LMNTD1: variants seen among roughly 807,000 people sequenced by gnomAD.
The protein encoded by LMNTD1 is lamin tail domain containing 1.
LMNTD1 carries 35 observed loss-of-function variants against 50.9 expected under a neutral mutation model. The ratio of observed to expected loss-of-function variants is 0.69; its 90% CI spans 0.53 to 0.91. The LOEUF (loss-of-function observed/expected upper bound fraction) is 0.91, where lower values mean the gene tolerates loss of function less well. LMNTD1 is among the 40% of genes least tolerant of loss of function. The pLI, the probability that LMNTD1 is intolerant of heterozygous loss-of-function variation, is 0.00. For missense variants in LMNTD1, 470 were observed against 475.5 expected (o/e 0.99, Z 0.11); for synonymous variants, 153 against 161.9 (o/e 0.94, Z 0.42).
chr12:25,526,139 C>T lies in LMNTD1; in HGVS notation c.758G>A (p.Ser253Asn). 1 of 1,609,780 alleles carries T rather than the reference C, an allele frequency of 6.2e-7. No homozygotes were observed. Among genetic ancestry groups the T allele is most frequent in the Non-Finnish European group, 8.5e-7 (1 of 1,177,740 alleles). ...GCACAGGATTGTTATACAATCAGGACTTGCTCTAAACTTGTCTTGTTCCTT... is the reference window on the plus strand; with the variant it reads ...GCACAGGATTGTTATACAATCAGGATTTGCTCTAAACTTGTCTTGTTCCTT... ...LWKEQDKFRA[S>N]PDCITILCKP... The change falls in exon 6 of 10, where the codon AGT becomes AAT. Residue 253 changes from serine to asparagine, a missense_variant. Transcript: ENST00000458174.
At chr12:25,514,205 G>A (rs759793437) in intron 8 of LMNTD1, among the ~76,000 whole-genome samples, 2 of 152,104 alleles carry the variant, frequency 1.3e-5, no homozygotes, top group Non-Finnish European at 1.5e-5. Flanking sequence ...ACAGTCTAGG[G>A]AGCACAGACC....
At chr12:25,490,319 T>C (rs868777846) in intron 9 of LMNTD1, among the ~76,000 whole-genome samples, 78 of 152,236 alleles carry the variant, frequency 5.1e-4, no homozygotes, top group African/African-American at 1.8e-3. Flanking sequence ...ACCATAATAT[T>C]TTTTTTAACA....
chr12:25,523,275 G>A (rs553707353), intron 6 of LMNTD1, among the ~76,000 whole-genome samples: 1 of 151,994 alleles, frequency 6.6e-6, no homozygotes, highest in East Asian at 1.9e-4. Flanking sequence ...CTTGTGATCC[G>A]CCCGCCTCGG....
At chr12:25,565,628 T>C (rs548429343) in intron 1 of LMNTD1, among the ~76,000 whole-genome samples, 138 of 152,312 alleles carry the variant, frequency 9.1e-4, no homozygotes, top group Middle Eastern at 3.4e-3. Flanking sequence ...TTAAACACCA[T>C]TGTTACAGTG....
chr12:25,620,594 G>T (rs1428783344), intron 1 of LMNTD1, among the ~76,000 whole-genome samples: 1 of 152,002 alleles, frequency 6.6e-6, no homozygotes, highest in East Asian at 1.9e-4. Context: ...ACTCTTCCAC[G>T]TGTCTATGAT....
intron 1 of LMNTD1, among the ~76,000 whole-genome samples, chr12:25,607,009 A>G (rs36199789): frequency 2.6e-5 from 4 of 151,778 alleles, no homozygotes; most frequent in Middle Eastern, 3.2e-3. Context: ...TCAATTTCGG[A>G]GCCTGTTATT....
chr12:25,599,965 A>G (rs1267429660), intron 1 of LMNTD1, among the ~76,000 whole-genome samples: 2 of 152,064 alleles, frequency 1.3e-5, no homozygotes, highest in Non-Finnish European at 2.9e-5. Context: ...ATTTATATGG[A>G]ACCACAAAAG....
intron 1 of LMNTD1, among the ~76,000 whole-genome samples, chr12:25,564,888 T>C (rs1417547975): frequency 6.6e-6 from 1 of 152,236 alleles, no homozygotes; most frequent in Admixed American, 6.5e-5. Context: ...TAATATTTGC[T>C]TTATATATCT....
At position 25,529,233 on chromosome 12, in the gene LMNTD1, G is replaced by A. The variant is rs185315089; in HGVS notation, c.492-2278C>T. ...CGCATCTCCCAGATGTTGATCCCTG[G>A]GATTCTGTTCTTAGCCCTCTTTTAT... On this transcript the variant is annotated intron_variant, in intron 4 of 9. Transcript: ENST00000458174. Among the ~76,000 whole-genome samples the A allele has an allele frequency of 3.3e-5, 5 of 151,960 alleles. No individual in the cohort carries two copies. The East Asian group carries it at 9.7e-4, about 29-fold the overall frequency.
intron 1 of LMNTD1, among the ~76,000 whole-genome samples, chr12:25,583,039 A>G (rs1592068709): frequency 7.3e-6 from 1 of 137,254 alleles, no homozygotes; most frequent in Non-Finnish European, 1.6e-5. Flanking sequence ...TTTGAGACGG[A>G]GTCTCGATCT....
At chr12:25,517,342 T>A (rs1940868518) in intron 8 of LMNTD1, among the ~76,000 whole-genome samples, 1 of 57,008 alleles carries the variant, frequency 1.8e-5, no homozygotes, top group African/African-American at 4.3e-5. Flanking sequence ...ATTAAGAAAA[T>A]GTGGCACATA....
chr12:25,644,967 G>A (rs539737598), intron 1 of LMNTD1, among the ~76,000 whole-genome samples: 3 of 152,322 alleles, frequency 2.0e-5, no homozygotes, highest in African/African-American at 7.2e-5. Flanking sequence ...GCTATGAATA[G>A]GGAGGGAGAA....
chr12:25,585,166 G>A (rs1221595037), intron 1 of LMNTD1, among the ~76,000 whole-genome samples: 2 of 152,196 alleles, frequency 1.3e-5, no homozygotes, highest in Non-Finnish European at 2.9e-5. Flanking sequence ...GTGTCTGTAA[G>A]ACATTCAGGG....
intron 1 of LMNTD1, among the ~76,000 whole-genome samples, chr12:25,631,977 T>G (rs551883896): frequency 6.6e-6 from 1 of 152,044 alleles, no homozygotes; most frequent in African/African-American, 2.4e-5. Context: ...TCAGGAAACA[T>G]TGGACACACT....
chr12:25,601,479 A>G (rs1945972959), intron 1 of LMNTD1, among the ~76,000 whole-genome samples: 1 of 151,992 alleles, frequency 6.6e-6, no homozygotes, highest in Non-Finnish European at 1.5e-5. Flanking sequence ...GATTATTTGT[A>G]ACTCAGAGGA....
At chr12:25,636,001 T>C (rs1485474383) in intron 1 of LMNTD1, among the ~76,000 whole-genome samples, 3 of 152,222 alleles carry the variant, frequency 2.0e-5, no homozygotes, top group Non-Finnish European at 4.4e-5. Flanking sequence ...GATCAAAGAC[T>C]TAAATCTAAG....
chr12:25,573,168 G>A (rs2136368330), intron 1 of LMNTD1, among the ~76,000 whole-genome samples: 1 of 152,124 alleles, frequency 6.6e-6, no homozygotes, highest in East Asian at 1.9e-4. Flanking sequence ...TTCTCTGTTT[G>A]TTTTCCTTTC....
chr12:25,560,586 C>T (rs1382499733), intron 1 of LMNTD1, among the ~76,000 whole-genome samples: 2 of 152,124 alleles, frequency 1.3e-5, no homozygotes, highest in Non-Finnish European at 2.9e-5. Context: ...TGAAGAAAGT[C>T]ATTGGTAGCT....
intron 8 of LMNTD1, among the ~76,000 whole-genome samples, chr12:25,517,740 TAATAATAAA>T (rs1940909974): frequency 3.4e-5 from 1 of 29,436 alleles, no homozygotes; most frequent in African/African-American, 6.9e-5. Context: ...ATAATAATAA[TAATAATAAA>T]AGAATTCTAA....
Sources: gnomAD v4.1 joint callset for allele counts (sites outside exome capture counted in the v4.1 genomes callset) on GRCh38, gnomAD v4.1.1 for gene constraint, MANE v1.5 for transcripts, NCBI Gene and HGNC (gene_info 2026-07-23, HGNC 2026-07-21) for gene names.